The following COL14A1 variants were observed in gnomAD, a reference collection of about 807,000 sequenced individuals.
COL14A1 encodes the protein collagen alpha-1(XIV) chain.
Under a neutral mutation model 230.3 loss-of-function variants are expected in COL14A1, and 136 were observed. The observed-to-expected ratio is 0.59, with a 90% confidence interval of 0.51 to 0.68. The LOEUF is 0.68. Ranked by LOEUF, COL14A1 falls within the 30% of genes least tolerant of loss-of-function variation. The pLI is 0.00. For synonymous variants in COL14A1, 792 were observed against 784.1 expected (o/e 1.01, Z -0.17); for missense variants, 1,976 against 2,215.8 (o/e 0.89, Z 2.17).
At chr8:120,222,035 C>T (rs1313856382) in intron 14 of COL14A1, among the ~76,000 whole-genome samples, 2 of 152,140 alleles carry the variant, frequency 1.3e-5, no homozygotes, top group African/African-American at 4.8e-5. Context: ...TGAAGCCATA[C>T]TTTAAATAGT....
chr8:120,298,698 T>G (rs909966771), intron 35 of COL14A1, among the ~76,000 whole-genome samples: 3 of 141,964 alleles, frequency 2.1e-5, no homozygotes, highest in Non-Finnish European at 3.0e-5. Flanking sequence ...CGGACAACCA[T>G]GTCATGGTTG....
intron 5 of COL14A1, among the ~76,000 whole-genome samples, chr8:120,194,940 ACAG>A (rs1816976195): frequency 6.6e-6 from 1 of 152,206 alleles, no homozygotes; most frequent in Non-Finnish European, 1.5e-5. Context: ...TTAGTGTGGT[ACAG>A]TAGGGTTGAC....
At chr8:120,315,609 C>T (rs979801472) in intron 39 of COL14A1, 23 bp downstream of exon 39, 53 of 1,597,234 alleles carry the variant, frequency 3.3e-5, no homozygotes, top group Non-Finnish European at 4.3e-5. Context: ...TTTTTTAAGT[C>T]TATTGCTCTC....
intron 47 of COL14A1, among the ~76,000 whole-genome samples, chr8:120,369,789 G>A (rs1469270840): frequency 6.6e-6 from 1 of 152,120 alleles, no homozygotes; most frequent in East Asian, 1.9e-4. Flanking sequence ...ACATTTGGAG[G>A]ACATGGTTGA....
At chr8:120,355,050 T>A (rs1822927809) in intron 45 of COL14A1, among the ~76,000 whole-genome samples, 1 of 152,180 alleles carries the variant, frequency 6.6e-6, no homozygotes, top group Non-Finnish European at 1.5e-5. Flanking sequence ...AGTTCTGAGG[T>A]TCCTCTTTTG....
intron 5 of COL14A1, among the ~76,000 whole-genome samples, chr8:120,184,087 T>G (rs983729369): frequency 2.0e-5 from 3 of 152,008 alleles, no homozygotes; most frequent in Non-Finnish European, 4.4e-5. Context: ...TAGATGAAAA[T>G]GATGTATGCA....
At chr8:120,348,848 G>A (rs993298828) in intron 45 of COL14A1, among the ~76,000 whole-genome samples, 1 of 152,156 alleles carries the variant, frequency 6.6e-6, no homozygotes, top group Non-Finnish European at 1.5e-5. Context: ...ATGCATGCAT[G>A]CAAATGTATA....
chr8:120,226,884 C>A, intron 16 of COL14A1, 118 bp downstream of exon 16: 1 of 926,960 alleles, frequency 1.1e-6, no homozygotes, highest in Non-Finnish European at 1.6e-6. Context: ...TAGTATTTTA[C>A]ATGGCTTGGA....
At chr8:120,356,072 G>T (rs977460501) in intron 45 of COL14A1, among the ~76,000 whole-genome samples, 4 of 152,206 alleles carry the variant, frequency 2.6e-5, no homozygotes, top group African/African-American at 9.7e-5. Flanking sequence ...GAATATGAAA[G>T]ATTGCTGAGG....
At chr8:120,338,977 G>T (rs1822184032) in intron 42 of COL14A1, among the ~76,000 whole-genome samples, 1 of 152,144 alleles carries the variant, frequency 6.6e-6, no homozygotes, top group Admixed American at 6.5e-5. Flanking sequence ...TTTCCAAAAA[G>T]AATTTGGGCT....
chr8:120,277,049 GAAAAACAAATA>G lies in COL14A1; in HGVS notation c.3214-1053_3214-1043del, dbSNP rs557991287. On this transcript the variant is annotated intron_variant, in intron 26 of 47. Coordinates refer to ENST00000297848, the MANE Select transcript of COL14A1 (RefSeq NM_021110.4). ...TCTTTACTTATTAAATCATAATTCT[GAAAAACAAATA>G]AAAAACAATTAAAAATGATCCAAAA... 2.6e-3 allele frequency among the ~76,000 whole-genome samples: 398 copies of G among 151,976 alleles called. 2 individuals are homozygous for G. Among genetic ancestry groups the G allele is most frequent in the Middle Eastern group, 0.01 (3 of 294 alleles).
At position 120,185,369 on chromosome 8, in the gene COL14A1, C is replaced by T. The variant is rs143970815; in HGVS notation, c.437-11422C>T. Among the ~76,000 whole-genome samples, 1,465 of 152,248 alleles carry T rather than the reference C, an allele frequency of 9.6e-3. 12 individuals are homozygous for T. The highest frequency in any genetic ancestry group is 0.015 in the Non-Finnish European group (1,041 of 68,008). On this transcript the variant is annotated intron_variant, in intron 5 of 47. Coordinates refer to ENST00000297848, the MANE Select transcript of COL14A1 (RefSeq NM_021110.4). ...AAAACATTTAGAAGACCTGTTGTGG[C>T]TGGGTGCAGTGGAGGTGGCTCACAC...
chr8:120,304,782 C>G (rs937884639), intron 36 of COL14A1, among the ~76,000 whole-genome samples: 3 of 152,114 alleles, frequency 2.0e-5, no homozygotes, highest in African/African-American at 7.2e-5. Context: ...GAATAACACC[C>G]AGGGTATATG....
At chr8:120,370,849 A>T (rs1343093153) in intron 47 of COL14A1, 8 of 1,341,030 alleles carry the variant, frequency 6.0e-6, no homozygotes, top group South Asian at 4.0e-5. Context: ...TTTTAAAAAA[A>T]TTTCTATTTC....
rs1363919035 is a variant in COL14A1 at position 120,212,677 on chromosome 8, A to G, written c.1597+100A>G. On this transcript the variant is annotated intron_variant, in intron 13 of 47. Coordinates refer to ENST00000297848, the MANE Select transcript of COL14A1 (RefSeq NM_021110.4). ...ACTAGTTTTGTTGAAACCTCTTAAA[A>G]GCTAATTATAATTTTAAAAATCTCA... is the stretch of plus-strand genomic sequence containing the variant. 2.3e-6 allele frequency: 3 copies of G among 1,277,798 alleles called. No homozygotes were observed. In the African/African-American group the frequency reaches 4.5e-5, roughly 19 times the overall value. The allele number at this position is 1,277,798 out of a possible 1,614,324, so 79.2% of individuals were successfully genotyped here.
At chr8:120,172,734 CT>C (rs1265641788) in intron 5 of COL14A1, among the ~76,000 whole-genome samples, 1 of 152,184 alleles carries the variant, frequency 6.6e-6, no homozygotes, top group Non-Finnish European at 1.5e-5. Flanking sequence ...TGTCATCTCC[CT>C]TGCTAGAAAG....
chr8:120,159,851 C>A (rs1292137241), intron 3 of COL14A1, among the ~76,000 whole-genome samples: 1 of 152,094 alleles, frequency 6.6e-6, no homozygotes, highest in East Asian at 1.9e-4. Context: ...GCCACCATGC[C>A]TGGCTAATTT....
chr8:120,284,312 A>G (rs1317695627), intron 32 of COL14A1, among the ~76,000 whole-genome samples: 2 of 152,172 alleles, frequency 1.3e-5, no homozygotes, highest in Non-Finnish European at 2.9e-5. Context: ...ATAAGTCTGG[A>G]GGCTGGGAAA....
At chr8:120,297,321 A>G (rs944896622) in intron 34 of COL14A1, among the ~76,000 whole-genome samples, 190 bp from the exon 35 acceptor site, 5 of 152,006 alleles carry the variant, frequency 3.3e-5, no homozygotes, top group African/African-American at 7.2e-5. Context: ...ATAATTGTAG[A>G]CAAAATCTTA....
Sources: gnomAD v4.1 joint callset for allele counts (sites outside exome capture counted in the v4.1 genomes callset) on GRCh38, gnomAD v4.1.1 for gene constraint, MANE v1.5 for transcripts, NCBI Gene and HGNC (gene_info 2026-07-23, HGNC 2026-07-21) for gene names.